VLDLR: variants seen among roughly 807,000 people sequenced by gnomAD.
The protein encoded by VLDLR is very low density lipoprotein receptor.
In VLDLR, 81 loss-of-function variants were observed where a neutral mutation model predicts 112.7. The ratio of observed to expected loss-of-function variants is 0.72; its 90% CI spans 0.60 to 0.86. VLDLR has a LOEUF of 0.86. Among genes scored for constraint, VLDLR ranks in the 40% least tolerant of loss-of-function variants. The pLI is 0.00. For missense variants in VLDLR, 1,237 were observed against 1,099.4 expected, an observed-to-expected ratio of 1.13 and a Z score of -1.77; for synonymous variants, 436 against 384.8, an observed-to-expected ratio of 1.13 and a Z score of -1.56.
At chr9:2,627,056 A>G (rs1055271141) in intron 1 of VLDLR, among the ~76,000 whole-genome samples, 1 of 102,310 alleles carries the variant, frequency 9.8e-6, no homozygotes, top group African/African-American at 3.9e-5. Context: ...GGACAGAGTG[A>G]CCATAGCACT....
chr9:2,644,587 T>C (rs1364115643), intron 7 of VLDLR, 147 bp from the exon 8 acceptor site: 11 of 989,090 alleles, frequency 1.1e-5, no homozygotes, highest in Non-Finnish European at 1.6e-5. Flanking sequence ...CTGAAATATA[T>C]ACCTATAAAA....
At chr9:2,641,134 C>T (rs1817803280) in intron 3 of VLDLR, among the ~76,000 whole-genome samples, 1 of 152,188 alleles carries the variant, frequency 6.6e-6, no homozygotes, top group African/African-American at 2.4e-5. Flanking sequence ...CTGAGCACGC[C>T]ATGGGACCTT....
rs1009306900 is a variant in VLDLR at position 2,657,293 on chromosome 9, T to C, written c.*3425T>C. On this transcript the variant is annotated 3_prime_UTR_variant, in exon 19 of 19. Coordinates refer to ENST00000382100, the MANE Select transcript of VLDLR (RefSeq NM_003383.5). ...GAATCCAAATGAAAGCTATACTGTT[T>C]GCTTTCAATGGTGGCAAAAACTTGC... The C allele has an allele frequency of 3.9e-5, 6 of 152,368 alleles. 1 individual carries two copies. The South Asian group carries it at 1.0e-3, about 26-fold the overall frequency. 9.4% of individuals were successfully genotyped at this position (152,368 alleles called of 1,614,324 possible). A position where few individuals can be genotyped will look rare whatever the true frequency, so the allele number is the denominator to read the frequency against.
Position 2,654,208 on chromosome 9 carries a change from G to A in VLDLR, c.*340G>A, listed in dbSNP as rs1818496807. ...AGTGTATACCACCTGTACATACATT[G>A]TATAGGCCATCTGTAAATATCCCAG... On this transcript the variant is annotated 3_prime_UTR_variant, in exon 19 of 19. Transcript: ENST00000382100. 1 of 278,126 alleles carries A rather than the reference G, an allele frequency of 3.6e-6. No homozygotes were observed. Among genetic ancestry groups the A allele is most frequent in the Non-Finnish European group, 6.9e-6 (1 of 144,182 alleles). The allele number at this position is 278,126 out of a possible 1,614,324, so 17.2% of individuals were successfully genotyped here.
At position 2,654,388 on chromosome 9, in the gene VLDLR, A is replaced by ATCTT. The variant is rs1489809954; in HGVS notation, c.*522_*525dup. Reference sequence around the variant, plus strand: ...AACTAATTTTGTACGTATGAATGATATCTTTGACCTCAATGGAGGTTTGCA... The same window carrying ATCTT: ...AACTAATTTTGTACGTATGAATGATATCTTTCTTTGACCTCAATGGAGGTTTGCA... On this transcript the variant is annotated 3_prime_UTR_variant, in exon 19 of 19. Coordinates refer to ENST00000382100, the MANE Select transcript of VLDLR (RefSeq NM_003383.5). 1 of 162,670 alleles carries ATCTT rather than the reference A, an allele frequency of 6.1e-6. No homozygotes were observed. The highest frequency in any genetic ancestry group is 2.4e-5 in the African/African-American group (1 of 41,520). The allele number at this position is 162,670 out of a possible 1,614,324, so 10.1% of individuals were successfully genotyped here.
rs71329437 is a variant in VLDLR at position 2,622,146 on chromosome 9, A to ACGGCGGCGG, written c.-27_-19dup. On this transcript the variant is annotated 5_prime_UTR_variant, in exon 1 of 19. Transcript: ENST00000382100. ...ACTGGTAACTTGTCGTGCGGAGCGA[A>ACGGCGGCGG]CGGCGGCGGCGGCGGCGGCGGCGGC... The ACGGCGGCGG allele has an allele frequency of 1.9e-4, 265 of 1,392,362 alleles. 1 individual carries two copies. The highest frequency in any genetic ancestry group is 1.2e-3 in the South Asian group (84 of 69,610). 86.3% of individuals were successfully genotyped at this position (1,392,362 alleles called of 1,614,324 possible).
chr9:2,641,073 G>A (rs1180960345), intron 3 of VLDLR, among the ~76,000 whole-genome samples: 5 of 152,192 alleles, frequency 3.3e-5, no homozygotes, highest in East Asian at 1.9e-4. Flanking sequence ...AGTGGTCTAG[G>A]AGCAGGCCAG....
rs549097841 is a variant in VLDLR at position 2,657,707 on chromosome 9, C to G, written c.*3839C>G. 15 of 152,258 alleles carry G rather than the reference C, an allele frequency of 9.9e-5. No homozygotes were observed. Among genetic ancestry groups the G allele is most frequent in the African/African-American group, 2.6e-4 (11 of 41,538 alleles). 9.4% of individuals were successfully genotyped at this position (152,258 alleles called of 1,614,324 possible). A position where few individuals can be genotyped will look rare whatever the true frequency, so the allele number is the denominator to read the frequency against. On this transcript the variant is annotated 3_prime_UTR_variant, in exon 19 of 19. Transcript: ENST00000382100. The stretch of plus-strand genomic sequence containing the variant: ...TGCTGGCCAAGTGTGCACACTTAGC[C>G]CTGGTTGAGGTGCATTGTCTGCTGT...
At chr9:2,650,235 C>T (rs1818260029) in intron 14 of VLDLR, 135 bp from the exon 15 acceptor site, 3 of 1,052,718 alleles carry the variant, frequency 2.8e-6, no homozygotes, top group South Asian at 2.7e-5. Context: ...ATACTGTTCT[C>T]ACTTGAAGGA....
intron 14 of VLDLR, among the ~76,000 whole-genome samples, chr9:2,649,796 A>C (rs1818238604): frequency 6.6e-6 from 1 of 152,186 alleles, no homozygotes; most frequent in Admixed American, 6.5e-5. Flanking sequence ...AGGTACTAGG[A>C]CTTCATTATA....
Position 2,624,444 on chromosome 9 carries a change from C to T in VLDLR, c.82+2173C>T, listed in dbSNP as rs114031218. ...GACAAGACAGGTGAACACTGAGACT[C>T]TGGCAAGGAACTTAAGGCTAACAAG... On this transcript the variant is annotated intron_variant, in intron 1 of 18. Coordinates refer to ENST00000382100, the MANE Select transcript of VLDLR (RefSeq NM_003383.5). Among the ~76,000 whole-genome samples the T allele has an allele frequency of 7.4e-3, 1,132 of 152,330 alleles. 21 individuals are homozygous for T. The highest frequency in any genetic ancestry group is 0.026 in the African/African-American group (1,072 of 41,566).
intron 15 of VLDLR, 43 bp downstream of exon 15, chr9:2,650,559 A>G (rs1399646419): frequency 6.2e-7 from 1 of 1,609,616 alleles, no homozygotes; most frequent in East Asian, 2.2e-5. Context: ...ACCTACAACA[A>G]GCAATATAAT....
chr9:2,640,002 C>T, intron 3 of VLDLR, 21 bp downstream of exon 3: 7 of 1,614,074 alleles, frequency 4.3e-6, no homozygotes, highest in Non-Finnish European at 5.9e-6. Context: ...CTTGCTTTGG[C>T]CTTGAACTTT....
In VLDLR at chr9:2,643,322, C is replaced by G; in HGVS notation, c.611C>G (p.Ser204Cys). ...CATGAGTTCCAGTGCAGCACCTCCT[C>G]CTGCATCCCCATCAGCTGGGTATGC... is the stretch of plus-strand genomic sequence containing the variant. The part of the protein sequence containing the change: ...GAHEFQCSTS[S>C]CIPISWVCDD... Residue 204 changes from serine (S) to cysteine (C), a missense_variant, in exon 5 of 19, where the codon TCC becomes TGC. Ser to Cys is a moderately radical substitution (Grantham distance 112). Coordinates refer to ENST00000382100, the MANE Select transcript of VLDLR (RefSeq NM_003383.5). 6.2e-7 allele frequency: 1 copy of G among 1,614,136 alleles called. No individual in the cohort carries two copies. Among genetic ancestry groups the G allele is most frequent in the Non-Finnish European group, 8.5e-7 (1 of 1,179,984 alleles).
chr9:2,627,677 A>AC (rs1267697828), intron 1 of VLDLR, among the ~76,000 whole-genome samples: 2 of 152,004 alleles, frequency 1.3e-5, no homozygotes, highest in African/African-American at 2.4e-5. Context: ...AGCCTGGCCA[A>AC]CATAGTGAAA....
At chr9:2,646,829 A>G (rs1372975805) in intron 11 of VLDLR, among the ~76,000 whole-genome samples, 1 of 152,218 alleles carries the variant, frequency 6.6e-6, no homozygotes, top group East Asian at 1.9e-4. Context: ...CAAAAGCTGT[A>G]TCTGAACCCT....
rs34811022 is a variant in VLDLR at position 2,651,385 on chromosome 9, T to A, written c.2252-30T>A. On this transcript the variant is annotated intron_variant, in intron 15 of 18. Coordinates refer to ENST00000382100, the MANE Select transcript of VLDLR (RefSeq NM_003383.5). ...AGCTAGCCATGCTGGAACCCTGGCA[T>A]TAACCAGGTTCTTGGTTTTTATAAT... The A allele has an allele frequency of 1.3e-5, 21 of 1,587,782 alleles. No homozygotes were observed. In the Middle Eastern group the frequency reaches 6.6e-4, roughly 50 times the overall value.
intron 9 of VLDLR, 21 bp downstream of exon 9, chr9:2,645,103 A>G: frequency 6.2e-7 from 1 of 1,614,022 alleles, no homozygotes; most frequent in Non-Finnish European, 8.5e-7. Flanking sequence ...TTGGACTGGT[A>G]TGGCTGTTGT....
intron 2 of VLDLR, among the ~76,000 whole-genome samples, chr9:2,638,823 G>T (rs7044155): frequency 0.38 from 57,426 of 152,086 alleles, 11,531 homozygotes; most frequent in African/African-American, 0.49. Context: ...ACATTAGCAG[G>T]CAGTTATGGA....
Sources: allele counts gnomAD v4.1 joint callset (sites outside exome capture counted in the v4.1 genomes callset), GRCh38; gene constraint gnomAD v4.1.1; transcripts MANE v1.5; gene names NCBI Gene and HGNC (gene_info 2026-07-23, HGNC 2026-07-21).